The following ANKRD30A variants were observed in gnomAD, a reference collection of about 807,000 sequenced individuals.
ANKRD30A encodes the protein ankyrin repeat domain-containing protein 30A.
Under a neutral mutation model 166.3 loss-of-function variants are expected in ANKRD30A, and 170 were observed. The ratio of observed to expected loss-of-function variants is 1.02; its 90% CI spans 0.90 to 1.16. The LOEUF (loss-of-function observed/expected upper bound fraction) is 1.16. Among genes scored for constraint, ANKRD30A ranks in the 50% most tolerant of loss-of-function variants. ANKRD30A has a pLI of 0.00. For synonymous variants in ANKRD30A, 564 were observed against 508.9 expected (o/e 1.11, Z -1.46); for missense variants, 1,630 against 1,518.0 (o/e 1.07, Z -1.23).
chr10:37,258,852 A>G, the ANKRD30A span, among the ~76,000 whole-genome samples: 2 of 150,374 alleles, frequency 1.3e-5, no homozygotes, highest in South Asian at 4.2e-4. Flanking sequence ...AGTCCCAGCT[A>G]CTCGGGAGGC....
chr10:37,166,416 G>C (rs558287436), intron 18 of ANKRD30A, among the ~76,000 whole-genome samples, 189 bp from the exon 19 acceptor site: 12 of 152,188 alleles, frequency 7.9e-5, no homozygotes, highest in African/African-American at 2.9e-4. Context: ...AGATGAGCTT[G>C]ATGTAGAGAG....
chr10:37,165,031 T>C (rs1454298011), intron 17 of ANKRD30A, 63 bp from the exon 18 acceptor site: 3 of 1,497,648 alleles, frequency 2.0e-6, no homozygotes, highest in Non-Finnish European at 2.8e-6. Flanking sequence ...GATTTGTATA[T>C]GTTTTTAAAA....
intron 27 of ANKRD30A, among the ~76,000 whole-genome samples, chr10:37,195,699 CCTGA>C (rs1841024664): frequency 6.6e-6 from 1 of 152,170 alleles, no homozygotes; most frequent in Non-Finnish European, 1.5e-5. Flanking sequence ...TCGAGACCAT[CCTGA>C]CTAACACAGT....
Position 37,149,654 on chromosome 10 carries a change from C to CAGGAG in ANKRD30A, c.1547_1548insAGGAG (p.Pro517GlyfsTer26). The CAGGAG allele has an allele frequency of 6.2e-7, 1 of 1,611,902 alleles. No individual in the cohort carries two copies. Among genetic ancestry groups the CAGGAG allele is most frequent in the Non-Finnish European group, 8.5e-7 (1 of 1,178,530 alleles). On this transcript the variant is annotated frameshift_variant, in exon 10 of 36. Coordinates refer to ENST00000361713, the MANE Select transcript of ANKRD30A (RefSeq NM_052997.3). LOFTEE classifies it high-confidence loss of function. ...ATAAATCTCTTTTGCTTTTTAGAGCCTCCTAAGAAGCCATCTGCCTTCAAG... is the reference window on the plus strand; with the variant it reads ...ATAAATCTCTTTTGCTTTTTAGAGCCAGGAGTCCTAAGAAGCCATCTGCCTTCAAG...
chr10:37,204,412 C>T (rs914974891), intron 31 of ANKRD30A, among the ~76,000 whole-genome samples: 1 of 152,088 alleles, frequency 6.6e-6, no homozygotes, highest in Non-Finnish European at 1.5e-5. Context: ...ACTGGCTAGC[C>T]ATATGTAGAA....
intron 13 of ANKRD30A, among the ~76,000 whole-genome samples, chr10:37,158,138 T>A (rs1838525602): frequency 6.6e-6 from 1 of 152,166 alleles, no homozygotes; most frequent in African/African-American, 2.4e-5. Context: ...TTAGTTATTG[T>A]CACCTTAAAT....
intron 31 of ANKRD30A, among the ~76,000 whole-genome samples, chr10:37,202,215 G>A (rs565237989): frequency 6.6e-5 from 10 of 151,824 alleles, no homozygotes; most frequent in Non-Finnish European, 1.0e-4. Flanking sequence ...AAGGGGCAAC[G>A]CAATAGAAAT....
At chr10:37,141,048 T>C (rs924561761) in intron 6 of ANKRD30A, among the ~76,000 whole-genome samples, 1 of 152,176 alleles carries the variant, frequency 6.6e-6, no homozygotes, top group Non-Finnish European at 1.5e-5. Context: ...CTAAGCATCT[T>C]CCTTGTTATT....
At chr10:37,202,321 G>A (rs1207980692) in intron 31 of ANKRD30A, among the ~76,000 whole-genome samples, 1 of 152,044 alleles carries the variant, frequency 6.6e-6, no homozygotes, top group Admixed American at 6.6e-5. Flanking sequence ...CTAGAACTCA[G>A]GATTAAGAAC....
chr10:37,161,211 A>T (rs540323785), intron 15 of ANKRD30A, among the ~76,000 whole-genome samples: 1 of 152,298 alleles, frequency 6.6e-6, no homozygotes, highest in South Asian at 2.1e-4. Flanking sequence ...CTTTCATGGG[A>T]AAATAGTGGA....
At chr10:37,138,523 A>G (rs1836872976) in intron 6 of ANKRD30A, among the ~76,000 whole-genome samples, 1 of 152,222 alleles carries the variant, frequency 6.6e-6, no homozygotes, top group Non-Finnish European at 1.5e-5. Context: ...AATGCAGAGA[A>G]GTCCTTAAAG....
At position 37,204,016 on chromosome 10, in the gene ANKRD30A, A is replaced by G. The variant is rs186487872; in HGVS notation, c.2869+2691A>G. Among the ~76,000 whole-genome samples the G allele has an allele frequency of 9.8e-3, 1,497 of 152,322 alleles. 15 individuals carry two copies. Among genetic ancestry groups the G allele is most frequent in the Non-Finnish European group, 0.014 (943 of 68,012 alleles). Reference sequence around the variant, plus strand: ...ACACAAACAAATGGAAGAGCATTCCATGCTTATGGATAGGAAGAATCAATA... The same window carrying G: ...ACACAAACAAATGGAAGAGCATTCCGTGCTTATGGATAGGAAGAATCAATA... On this transcript the variant is annotated intron_variant, in intron 31 of 35. Transcript: ENST00000361713.
downstream of ANKRD30A, among the ~76,000 whole-genome samples, chr10:37,236,983 G>A (rs553855413): frequency 2.6e-4 from 39 of 152,116 alleles, no homozygotes; most frequent in African/African-American, 8.7e-4. Flanking sequence ...CTGATGTTAT[G>A]ATATTAGTTT....
the ANKRD30A span, among the ~76,000 whole-genome samples, chr10:37,238,408 A>G: frequency 5.9e-5 from 9 of 152,188 alleles, no homozygotes; most frequent in Non-Finnish European, 1.3e-4. Flanking sequence ...ATATGTATAC[A>G]TGTGCCATGT....
intron 13 of ANKRD30A, among the ~76,000 whole-genome samples, chr10:37,157,161 T>C (rs894344257): frequency 2.2e-4 from 33 of 152,236 alleles, no homozygotes; most frequent in African/African-American, 8.0e-4. Flanking sequence ...TGTGATTTTC[T>C]TGAAGCTAAG....
At chr10:37,202,424 G>T (rs1273466226) in intron 31 of ANKRD30A, among the ~76,000 whole-genome samples, 1 of 152,134 alleles carries the variant, frequency 6.6e-6, no homozygotes, top group East Asian at 1.9e-4. Context: ...AAATAAATAT[G>T]TTCTTTGAAA....
intron 31 of ANKRD30A, among the ~76,000 whole-genome samples, chr10:37,202,153 G>A (rs1273534062): frequency 6.6e-6 from 1 of 152,058 alleles, no homozygotes; most frequent in Non-Finnish European, 1.5e-5. Flanking sequence ...TCAGAAGAAA[G>A]CATTATGTTA....
chr10:37,258,978 A>AC, the ANKRD30A span, among the ~76,000 whole-genome samples: 16 of 150,622 alleles, frequency 1.1e-4, no homozygotes, highest in Non-Finnish European at 2.1e-4. Flanking sequence ...AAAAAAAAAA[A>AC]AAAAAAACAA....
chr10:37,167,455 C>T (rs561913011), intron 19 of ANKRD30A, among the ~76,000 whole-genome samples: 1 of 151,350 alleles, frequency 6.6e-6, no homozygotes, highest in East Asian at 1.9e-4. Context: ...ATACACGAAA[C>T]CAGACTAATT....
Sources: allele counts gnomAD v4.1 joint callset (sites outside exome capture counted in the v4.1 genomes callset), GRCh38; gene constraint gnomAD v4.1.1; transcripts MANE v1.5; gene names NCBI Gene and HGNC (gene_info 2026-07-23, HGNC 2026-07-21).